The following GPR176 variants were observed in gnomAD, a reference collection of about 807,000 sequenced individuals.
GPR176 encodes the protein G protein-coupled receptor 176.
GPR176 carries 26 observed loss-of-function variants against 35.4 expected under a neutral mutation model. The ratio of observed to expected loss-of-function variants is 0.74; its 90% CI spans 0.54 to 1.02. The LOEUF is 1.02. Among genes scored for constraint, GPR176 ranks in the 50% least tolerant of loss-of-function variants. The pLI is 0.00. For missense variants in GPR176, 597 were observed against 665.3 expected (o/e 0.90, Z 1.13); for synonymous variants, 278 against 271.3 (o/e 1.02, Z -0.24).
In GPR176 at chr15:39,800,842, G is replaced by A. The variant is rs148397843; in HGVS notation, c.*290C>T. ...AGGCATCCTCAGAAAGTGCACATGG[G>A]GTACCCACCTCAAGACCCATTCAAA... On this transcript the variant is annotated 3_prime_UTR_variant, in exon 3 of 3. Coordinates refer to ENST00000561100, the MANE Select transcript of GPR176 (RefSeq NM_007223.3). 154 of 314,736 alleles carry A rather than the reference G, an allele frequency of 4.9e-4. No homozygotes were observed. Among genetic ancestry groups the A allele is most frequent in the Middle Eastern group, 3.0e-3 (3 of 994 alleles). The allele number at this position is 314,736 out of a possible 1,614,324, so 19.5% of individuals were successfully genotyped here.
intron 1 of GPR176, among the ~76,000 whole-genome samples, chr15:39,875,313 A>G (rs2032200673): frequency 6.6e-6 from 1 of 152,250 alleles, no homozygotes; most frequent in African/African-American, 2.4e-5. Context: ...GTCTTAGATT[A>G]TCATGACAAT....
At chr15:39,808,004 A>G (rs1243604687) in intron 1 of GPR176, among the ~76,000 whole-genome samples, 1 of 151,956 alleles carries the variant, frequency 6.6e-6, no homozygotes, top group East Asian at 1.9e-4. Context: ...CAGGCCTACA[A>G]TCTCCTGGTT....
intron 1 of GPR176, among the ~76,000 whole-genome samples, chr15:39,877,710 G>A (rs917470110): frequency 1.3e-5 from 2 of 151,916 alleles, no homozygotes; most frequent in Non-Finnish European, 1.5e-5. Context: ...ACAGGCAGAC[G>A]CCACCACACC....
chr15:39,819,416 A>G (rs981268516), intron 1 of GPR176, among the ~76,000 whole-genome samples: 2 of 152,254 alleles, frequency 1.3e-5, no homozygotes, highest in African/African-American at 4.8e-5. Flanking sequence ...CATTAGCACC[A>G]GACATGGTTT....
rs144553190 is a variant in GPR176 at position 39,828,482 on chromosome 15, A to T, written c.173-21224T>A. Among the ~76,000 whole-genome samples, 441 of 152,334 alleles carry T rather than the reference A, an allele frequency of 2.9e-3. 1 individual carries two copies. Among genetic ancestry groups the T allele is most frequent in the African/African-American group, 0.01 (420 of 41,570 alleles). On this transcript the variant is annotated intron_variant, in intron 1 of 2. Coordinates refer to ENST00000561100, the MANE Select transcript of GPR176 (RefSeq NM_007223.3). ...TTTCCTTCCTGGTTCTTTGGGGATT[A>T]GCACAAGCACTGAGTTGGCCCTCTG...
chr15:39,809,942 G>A (rs1238286344), intron 1 of GPR176, among the ~76,000 whole-genome samples: 2 of 152,016 alleles, frequency 1.3e-5, no homozygotes, highest in Non-Finnish European at 2.9e-5. Context: ...TCAGGAGATC[G>A]AGACCATCCT....
Position 39,920,055 on chromosome 15 carries a change from C to T in GPR176, c.-29G>A. 1.6e-6 allele frequency: 2 copies of T among 1,281,344 alleles called. No individual in the cohort carries two copies. The highest frequency in any genetic ancestry group is 2.0e-6 in the Non-Finnish European group (2 of 1,007,358). The allele number at this position is 1,281,344 out of a possible 1,614,324, so 79.4% of individuals were successfully genotyped here. A position where few individuals can be genotyped will look rare whatever the true frequency, so the allele number is the denominator to read the frequency against. On this transcript the variant is annotated 5_prime_UTR_variant, in exon 1 of 3. Coordinates refer to ENST00000561100, the MANE Select transcript of GPR176 (RefSeq NM_007223.3). ...GAGGCTGGGACTCCGGCTCCGCGCG[C>T]CGCCCGCCTCGGAGCCCCGCGCGGA...
chr15:39,909,279 T>C (rs1467413274), intron 1 of GPR176, among the ~76,000 whole-genome samples: 1 of 152,166 alleles, frequency 6.6e-6, no homozygotes, highest in African/African-American at 2.4e-5. Flanking sequence ...ACCAGCTGTG[T>C]CCTAGGGTTA....
intron 1 of GPR176, among the ~76,000 whole-genome samples, chr15:39,905,078 TG>T (rs781748711): frequency 1.3e-5 from 2 of 152,196 alleles, no homozygotes; most frequent in African/African-American, 2.4e-5. Context: ...CAAGCAAACT[TG>T]GCCAGAAGCT....
rs954135885 is a variant in GPR176 at position 39,812,651 on chromosome 15, T to G, written c.173-5393A>C. ...GTGTGAGTCAATTCTTCTAATAAAC[T>G]CCCCTTCATATATACATCTATCCTA... On this transcript the variant is annotated intron_variant, in intron 1 of 2. Coordinates refer to ENST00000561100, the MANE Select transcript of GPR176 (RefSeq NM_007223.3). 2.6e-5 allele frequency among the ~76,000 whole-genome samples: 4 copies of G among 151,996 alleles called. No homozygotes were observed. The East Asian group carries it at 7.7e-4, about 29-fold the overall frequency.
intron 1 of GPR176, among the ~76,000 whole-genome samples, chr15:39,871,006 T>A (rs2032022550): frequency 6.6e-6 from 1 of 152,158 alleles, no homozygotes; most frequent in African/African-American, 2.4e-5. Context: ...AGTGAGACCC[T>A]GAGCAGAGGA....
chr15:39,839,559 T>C (rs559059287), intron 1 of GPR176, among the ~76,000 whole-genome samples: 4 of 152,286 alleles, frequency 2.6e-5, no homozygotes, highest in South Asian at 4.1e-4. Flanking sequence ...ATTCAGGACA[T>C]AGGCATGGGC....
At chr15:39,873,182 C>G (rs559230266) in intron 1 of GPR176, among the ~76,000 whole-genome samples, 69 of 152,216 alleles carry the variant, frequency 4.5e-4, no homozygotes, top group African/African-American at 1.7e-3. Context: ...AAAGTAGGTA[C>G]TATAACTAAC....
intron 1 of GPR176, among the ~76,000 whole-genome samples, chr15:39,853,270 G>C (rs1566951596): frequency 6.6e-6 from 1 of 152,150 alleles, no homozygotes. Flanking sequence ...TTAAAACATA[G>C]ATGAACCTTG....
chr15:39,808,863 G>A lies in GPR176; in HGVS notation c.173-1605C>T, dbSNP rs985997820. Among the ~76,000 whole-genome samples, 5 of 152,108 alleles carry A rather than the reference G, an allele frequency of 3.3e-5. No homozygotes were observed. The East Asian group carries it at 5.8e-4, about 18-fold the overall frequency. On this transcript the variant is annotated intron_variant, in intron 1 of 2. Transcript: ENST00000561100. Reference sequence around the variant, plus strand: ...CAGTTCCCAAATCTCACCATACGTCGGAATGACTGTACCAGATATACTGAA... The same window carrying A: ...CAGTTCCCAAATCTCACCATACGTCAGAATGACTGTACCAGATATACTGAA...
At chr15:39,824,057 C>A (rs1411141180) in intron 1 of GPR176, among the ~76,000 whole-genome samples, 5 of 151,718 alleles carry the variant, frequency 3.3e-5, no homozygotes, top group Admixed American at 3.3e-4. Flanking sequence ...GTGCCATCCC[C>A]ATGGTAATGA....
chr15:39,908,478 A>G (rs73399194), intron 1 of GPR176, among the ~76,000 whole-genome samples: 2,070 of 146,754 alleles, frequency 0.014, 22 homozygotes, highest in African/African-American at 0.023. Context: ...CAAAAATACT[A>G]TATGTTATCA....
Position 39,839,472 on chromosome 15 carries a change from T to C in GPR176, c.173-32214A>G, listed in dbSNP as rs1286848338. On this transcript the variant is annotated intron_variant, in intron 1 of 2. Transcript: ENST00000561100. ...CCCTTCCTCACACCTTATACAAAAA[T>C]TAATTCAAGATGGATTAAAGGCTTA... 2.0e-5 allele frequency among the ~76,000 whole-genome samples: 3 copies of C among 152,262 alleles called. No homozygotes were observed. The East Asian group carries it at 5.8e-4, about 29-fold the overall frequency.
intron 1 of GPR176, among the ~76,000 whole-genome samples, chr15:39,853,834 T>C (rs1193457812): frequency 6.6e-6 from 1 of 152,102 alleles, no homozygotes; most frequent in Non-Finnish European, 1.5e-5. Flanking sequence ...TAGTGTCAGG[T>C]TGTTAAATCC....
Sources: gnomAD v4.1 joint callset for allele counts (sites outside exome capture counted in the v4.1 genomes callset) on GRCh38, gnomAD v4.1.1 for gene constraint, MANE v1.5 for transcripts, NCBI Gene and HGNC (gene_info 2026-07-23, HGNC 2026-07-21) for gene names.